CHD6: variants seen among roughly 807,000 people sequenced by gnomAD.
CHD6 encodes ATP-dependent chromatin remodeler CHD6.
CHD6 carries 50 observed loss-of-function variants against 276.9 expected under a neutral mutation model. The observed-to-expected ratio is 0.18, with a 90% CI of 0.14 to 0.23. The LOEUF is 0.23. Among genes scored for constraint, CHD6 ranks in the 10% least tolerant of loss-of-function variants. CHD6 has a pLI of 1.00. For synonymous variants in CHD6, 1,173 were observed against 1,229.3 expected, an observed-to-expected ratio of 0.95 and a Z score of 0.96; for missense variants, 2,564 against 3,365.8, an observed-to-expected ratio of 0.76 and a Z score of 5.89.
chr20:41,599,994 C>T (rs1423473802), intron 1 of CHD6, among the ~76,000 whole-genome samples: 1 of 152,222 alleles, frequency 6.6e-6, no homozygotes, highest in African/African-American at 2.4e-5. Context: ...GCTCAGTGTG[C>T]TCTTGTGATC....
Position 41,555,737 on chromosome 20 carries a change from G to A in CHD6, c.-23-4377C>T, listed in dbSNP as rs1370874944. Among the ~76,000 whole-genome samples, 15 of 151,496 alleles carry A rather than the reference G, an allele frequency of 9.9e-5. No individual in the cohort carries two copies. In the East Asian group the frequency reaches 2.2e-3, roughly 22 times the overall value. On this transcript the variant is annotated intron_variant, in intron 1 of 36. Transcript: ENST00000373233. ...CTCCTCACTTCCTAGATGGGATGGCGGCCGGGCAGAGACGCTCCTCACTTT... is the reference window on the plus strand; with the variant it reads ...CTCCTCACTTCCTAGATGGGATGGCAGCCGGGCAGAGACGCTCCTCACTTT...
intron 20 of CHD6, 143 bp from the exon 21 acceptor site, chr20:41,453,085 T>G (rs143699007): frequency 1.1e-5 from 7 of 652,010 alleles, no homozygotes; most frequent in Non-Finnish European, 1.9e-5. Context: ...CCAGCACACC[T>G]GCTGTCTCCA....
intron 17 of CHD6, among the ~76,000 whole-genome samples, chr20:41,459,636 T>C (rs2048482769): frequency 6.6e-6 from 1 of 152,214 alleles, no homozygotes; most frequent in Non-Finnish European, 1.5e-5. Flanking sequence ...TACTTTTGCT[T>C]CTTCCTCATT....
intron 1 of CHD6, 80 bp from the exon 2 acceptor site, chr20:41,551,440 C>A: frequency 1.5e-6 from 1 of 654,652 alleles, no homozygotes; most frequent in Non-Finnish European, 2.6e-6. Context: ...ATTACTGTAA[C>A]ACACAAGGAA....
chr20:41,479,179 G>T (rs955033516), intron 16 of CHD6, among the ~76,000 whole-genome samples: 1 of 152,058 alleles, frequency 6.6e-6, no homozygotes, highest in African/African-American at 2.4e-5. Context: ...CAGAGCCCAT[G>T]GACTTGTGGG....
At chr20:41,583,689 T>A (rs941994358) in intron 1 of CHD6, among the ~76,000 whole-genome samples, 1 of 152,130 alleles carries the variant, frequency 6.6e-6, no homozygotes, top group African/African-American at 2.4e-5. Flanking sequence ...ACAGTAGCAG[T>A]GTATTGTAGA....
Position 41,473,311 on chromosome 20 carries a change from C to G in CHD6, c.2664+11G>C, listed in dbSNP as rs1389740929. ...GCAGCTAAGGTAAACAGCAATCATC[C>G]TAGTGGTTACCTGCAAGTCATTTTG... On this transcript the variant is annotated intron_variant, in intron 17 of 36. Coordinates refer to ENST00000373233, the MANE Select transcript of CHD6 (RefSeq NM_032221.5). This position sits in a 1 kb window ranked among gnomAD's most constrained non-coding sequence, Gnocchi z 4.1. The G allele has an allele frequency of 6.2e-7, 1 of 1,613,032 alleles. No individual in the cohort carries two copies. The highest frequency in any genetic ancestry group is 2.2e-5 in the East Asian group (1 of 44,792).
Position 41,404,568 on chromosome 20 carries a change from A to G in CHD6, c.*25T>C, listed in dbSNP as rs763222701. 6.8e-7 allele frequency: 1 copy of G among 1,473,612 alleles called. No homozygotes were observed. Among genetic ancestry groups the G allele is most frequent in the Admixed American group, 2.4e-5 (1 of 42,396 alleles). 91.3% of individuals were successfully genotyped at this position (1,473,612 alleles called of 1,614,324 possible). On this transcript the variant is annotated 3_prime_UTR_variant, in exon 37 of 37. Coordinates refer to ENST00000373233, the MANE Select transcript of CHD6 (RefSeq NM_032221.5). Reference sequence around the variant, plus strand: ...ATGGGATAAGAAACTTACAAGTCACAATAATTTCTTAAATGAAAAAAGTTC... The same window carrying G: ...ATGGGATAAGAAACTTACAAGTCACGATAATTTCTTAAATGAAAAAAGTTC...
At chr20:41,497,811 A>T in intron 7 of CHD6, 1 of 448,776 alleles carries the variant, frequency 2.2e-6, no homozygotes, top group Non-Finnish European at 4.1e-6. Flanking sequence ...AGCAGAAAGG[A>T]AAATATACAA....
At position 41,533,196 on chromosome 20, in the gene CHD6, C is replaced by T. The variant is rs137859383; in HGVS notation, c.408G>A (p.Pro136=). The change falls in exon 3 of 37, where the codon CCG becomes CCA. Residue 136 remains proline (P), a synonymous_variant. Coordinates refer to ENST00000373233, the MANE Select transcript of CHD6 (RefSeq NM_032221.5). ...GCTCCTTGTGCTCCTTGGCCTTCTT[C>T]GGCTCCTTGGCCTTTCTGGGTTCCT... ...EPKEPRKAKE[P]KKAKEHKEPK... is the part of the protein sequence containing the mutation. 32 of 1,613,772 alleles carry T rather than the reference C, an allele frequency of 2.0e-5. No homozygotes were observed. The highest frequency in any genetic ancestry group is 5.3e-5 in the African/African-American group (4 of 74,918).
At chr20:41,451,761 C>T in intron 22 of CHD6, 65 bp downstream of exon 22, 3 of 1,424,434 alleles carry the variant, frequency 2.1e-6, no homozygotes, top group African/African-American at 1.4e-5. Flanking sequence ...TACGGCCCCG[C>T]AGAGGAAGAG....
intron 1 of CHD6, among the ~76,000 whole-genome samples, chr20:41,593,803 T>C (rs2045689089): frequency 6.6e-6 from 1 of 152,136 alleles, no homozygotes; most frequent in East Asian, 1.9e-4. Flanking sequence ...GAAAAGACCA[T>C]GTGAGGATAT....
intron 1 of CHD6, among the ~76,000 whole-genome samples, chr20:41,557,748 C>T (rs1350208249): frequency 6.6e-6 from 1 of 152,126 alleles, no homozygotes; most frequent in Non-Finnish European, 1.5e-5. Flanking sequence ...AACACAATAA[C>T]GATGGAGAAT....
intron 2 of CHD6, chr20:41,547,914 C>T: frequency 3.6e-6 from 1 of 274,160 alleles, no homozygotes; most frequent in Non-Finnish European, 7.3e-6. Context: ...GGTGGAATGC[C>T]CAACTAGTTA....
intron 3 of CHD6, among the ~76,000 whole-genome samples, chr20:41,528,445 T>TA (rs1225443296): frequency 1.3e-5 from 2 of 152,204 alleles, no homozygotes; most frequent in African/African-American, 4.8e-5. Context: ...AAAAATAGTA[T>TA]AAACATATGA....
chr20:41,594,768 T>C (rs753613660), intron 1 of CHD6, among the ~76,000 whole-genome samples: 11 of 152,238 alleles, frequency 7.2e-5, no homozygotes, highest in Non-Finnish European at 1.6e-4. Flanking sequence ...CCTTCTCGCC[T>C]AATTGACCTT....
Position 41,457,352 on chromosome 20 carries a change from T to A in CHD6, c.2741A>T (p.Glu914Val). The change falls in exon 18 of 37, where the codon GAG becomes GTG. Residue 914 changes from glutamate (E) to valine (V), a missense_variant. Around this residue, in one of 7 missense-constraint regions of CHD6, gnomAD observed 457 missense variants for 889.0 expected, o/e 0.51. Transcript: ENST00000373233. ...GCTGGCCTTGTCAAACATCTCGCGC[T>A]CGTAGGAATTTCGAGTGATGAGGCG... ...VYRLITRNSY[E>V]REMFDKASLK... 6.2e-7 allele frequency: 1 copy of A among 1,614,106 alleles called. No individual in the cohort carries two copies. The highest frequency in any genetic ancestry group is 8.5e-7 in the Non-Finnish European group (1 of 1,179,998).
At chr20:41,539,878 C>A (rs538546077) in intron 2 of CHD6, among the ~76,000 whole-genome samples, 3 of 152,084 alleles carry the variant, frequency 2.0e-5, no homozygotes, top group Admixed American at 2.0e-4. Flanking sequence ...CATTATTATA[C>A]GGAGGTTTAA....
rs142235633 is a variant in CHD6 at position 41,435,995 on chromosome 20, T to A, written c.4068+1279A>T. Among the ~76,000 whole-genome samples, 414 of 152,260 alleles carry A rather than the reference T, an allele frequency of 2.7e-3. 2 individuals are homozygous for A. Among genetic ancestry groups the A allele is most frequent in the Middle Eastern group, 0.024 (7 of 294 alleles). On this transcript the variant is annotated intron_variant, in intron 27 of 36. Transcript: ENST00000373233. The stretch of plus-strand genomic sequence containing the variant: ...TGATTTTTAATTTTTTTTAATTTTT[T>A]AATTTTTTGTAGAGACAAGGTCTCA...
Sources: allele counts gnomAD v4.1 joint callset (sites outside exome capture counted in the v4.1 genomes callset), GRCh38; gene constraint gnomAD v4.1.1; regional missense constraint gnomAD v4.1.1; non-coding constraint Gnocchi (gnomAD v3.1); transcripts MANE v1.5; gene names NCBI Gene and HGNC (gene_info 2026-07-23, HGNC 2026-07-21).